PCBP3: variants seen among roughly 807,000 people sequenced by gnomAD.
The protein encoded by PCBP3 is poly(rC)-binding protein 3.
A neutral mutation model predicts 52.7 loss-of-function variants in PCBP3; 25 were observed. The observed-to-expected ratio is 0.47, with a 90% CI of 0.35 to 0.66. PCBP3 has a LOEUF of 0.66. Among genes scored for constraint, PCBP3 ranks in the 30% least tolerant of loss-of-function variants. PCBP3 has a pLI of 0.01. For synonymous variants in PCBP3, 162 were observed against 183.0 expected, an observed-to-expected ratio of 0.89 and a Z score of 0.93; for missense variants, 391 against 490.3, an observed-to-expected ratio of 0.80 and a Z score of 1.91.
chr21:45,662,284 T>G lies in PCBP3; in HGVS notation c.-278-6590T>G, dbSNP rs1420119962. Among the ~76,000 whole-genome samples the G allele has an allele frequency of 3.1e-4, 21 of 67,114 alleles. 1 individual carries two copies. Among genetic ancestry groups the G allele is most frequent in the Admixed American group, 2.9e-3 (17 of 5,908 alleles). The allele number at this position is 67,114 out of a possible 152,430, so 44.0% of individuals were successfully genotyped here. On this transcript the variant is annotated intron_variant, in intron 1 of 17. Coordinates refer to ENST00000681687, the MANE Select transcript of PCBP3 (RefSeq NM_001384156.1). ...CAATATACCTAAGTTTTTTTTTTTT[T>G]TTTTTTTTTTTTTTTTTGTAGAGAT... is the stretch of plus-strand genomic sequence containing the variant.
rs2086483258 is a variant in PCBP3 at position 45,741,947 on chromosome 21, C to T, written c.-162+6518C>T. Among the ~76,000 whole-genome samples the T allele has an allele frequency of 6.6e-6, 1 of 152,208 alleles. No homozygotes were observed. The highest frequency in any genetic ancestry group is 2.1e-4 in the South Asian group (1 of 4,826). Reference sequence around the variant, plus strand: ...GGGAAATTCCAGTCCAGACTGTCTGCCTCAGGCATTCAGTACACACTTTCG... The same window carrying T: ...GGGAAATTCCAGTCCAGACTGTCTGTCTCAGGCATTCAGTACACACTTTCG... On this transcript the variant is annotated intron_variant, in intron 3 of 17. Transcript: ENST00000681687. The surrounding 1 kb of genome is among the most constrained non-coding windows in gnomAD (Gnocchi z 4.5).
chr21:45,910,989 A>G lies in PCBP3; in HGVS notation c.559A>G (p.Ile187Val). Residue 187 changes from isoleucine (I) to valine (V), a missense_variant, in exon 11 of 18, where the codon ATC becomes GTC. Coordinates refer to ENST00000681687, the MANE Select transcript of PCBP3 (RefSeq NM_001384156.1). ...AVTISGTPDA[I>V]IQCVKQICVV... ...GACCATCTCGGGGACCCCAGATGCC[A>G]TCATCCAGTGCGTCAAGCAGATCTG... 1 of 1,611,994 alleles carries G rather than the reference A, an allele frequency of 6.2e-7. No homozygotes were observed. The highest frequency in any genetic ancestry group is 8.5e-7 in the Non-Finnish European group (1 of 1,179,912).
chr21:45,921,303 A>G (rs1186957075), intron 13 of PCBP3, among the ~76,000 whole-genome samples: 1 of 152,136 alleles, frequency 6.6e-6, no homozygotes, highest in East Asian at 1.9e-4. Context: ...TATTTATACC[A>G]CAGTGCCGGC....
intron 15 of PCBP3, among the ~76,000 whole-genome samples, chr21:45,935,021 C>A (rs894865869): frequency 4.6e-5 from 7 of 152,216 alleles, no homozygotes; most frequent in Admixed American, 1.3e-4. Context: ...AACAAAATGT[C>A]CTGCTTGGGT....
At chr21:45,816,442 C>G (rs1215186991) in intron 4 of PCBP3, among the ~76,000 whole-genome samples, 1 of 104,708 alleles carries the variant, frequency 9.6e-6, no homozygotes, top group Admixed American at 9.6e-5. Flanking sequence ...TCCCCTTCCC[C>G]CTCCCCGTCC....
intron 2 of PCBP3, among the ~76,000 whole-genome samples, chr21:45,673,121 T>A (rs2081271766): frequency 6.6e-6 from 1 of 152,232 alleles, no homozygotes; most frequent in African/African-American, 2.4e-5. Flanking sequence ...GTCACCCTCT[T>A]CAAGGAGCCC....
chr21:45,686,851 A>T (rs2147689921), intron 2 of PCBP3, among the ~76,000 whole-genome samples: 1 of 152,278 alleles, frequency 6.6e-6, no homozygotes, highest in South Asian at 2.1e-4. Flanking sequence ...AAACTAAAAC[A>T]CAAGGAGGAA....
chr21:45,935,282 C>T lies in PCBP3; in HGVS notation c.886C>T (p.His296Tyr). 6.2e-7 allele frequency: 1 copy of T among 1,613,260 alleles called. No individual in the cohort carries two copies. The highest frequency in any genetic ancestry group is 1.1e-5 in the South Asian group (1 of 91,052). The change falls in exon 16 of 18, where the codon CAT becomes TAT. Residue 296 changes from histidine (H) to tyrosine (Y), a missense_variant. Transcript: ENST00000681687. ...GGACGCCAGCCCACCGGCCAGCACT[C>T]ATGAGCTCACCATTCCCAATGATGT... ...GLDASPPAST[H>Y]ELTIPNDLIG...
intron 4 of PCBP3, among the ~76,000 whole-genome samples, chr21:45,776,734 A>G (rs1277646979): frequency 6.6e-6 from 1 of 151,598 alleles, no homozygotes; most frequent in Admixed American, 6.6e-5. Context: ...CATCCCTTTA[A>G]TTTCGGTTCA....
chr21:45,936,451 C>A (rs886439734), intron 16 of PCBP3, among the ~76,000 whole-genome samples: 1 of 152,222 alleles, frequency 6.6e-6, no homozygotes, highest in African/African-American at 2.4e-5. Context: ...TGTGGTCCAG[C>A]CTTCTGGCAT....
intron 2 of PCBP3, among the ~76,000 whole-genome samples, chr21:45,710,481 G>T (rs2148134943): frequency 2.0e-5 from 3 of 152,268 alleles, no homozygotes; most frequent in South Asian, 4.2e-4. Flanking sequence ...GAAAGGACAT[G>T]AACTCATCAT....
chr21:45,888,567 G>A (rs1189003041), intron 5 of PCBP3, among the ~76,000 whole-genome samples: 1 of 152,186 alleles, frequency 6.6e-6, no homozygotes, highest in Admixed American at 6.5e-5. Flanking sequence ...CCTGCTCCGG[G>A]GCAGGGCCCT....
rs1373172660 is a variant in PCBP3, at chr21:45,740,508, AAAG to A, written c.-162+5084_-162+5086del. Among the ~76,000 whole-genome samples the A allele has an allele frequency of 5.3e-5, 8 of 152,232 alleles. No individual in the cohort carries two copies. In the East Asian group the frequency reaches 1.2e-3, roughly 22 times the overall value. ...GGGCAAAAGTCACCAAGAAATTGAG[AAAG>A]AAGATGACAGAACTTTGAAAGTTGG... On this transcript the variant is annotated intron_variant, in intron 3 of 17. Coordinates refer to ENST00000681687, the MANE Select transcript of PCBP3 (RefSeq NM_001384156.1).
intron 2 of PCBP3, among the ~76,000 whole-genome samples, chr21:45,691,464 GTGTGTGTGTGT>G (rs1425840306): frequency 6.8e-6 from 1 of 146,156 alleles, no homozygotes; most frequent in Non-Finnish European, 1.5e-5. Context: ...GTATGTGTGT[GTGTGTGTGTGT>G]GTATATACAT....
At chr21:45,831,933 A>G (rs1377017267) in intron 4 of PCBP3, among the ~76,000 whole-genome samples, 1 of 152,120 alleles carries the variant, frequency 6.6e-6, no homozygotes, top group Non-Finnish European at 1.5e-5. Context: ...ATGGTCTCGA[A>G]TTCCTGACCT....
intron 9 of PCBP3, among the ~76,000 whole-genome samples, chr21:45,907,226 G>T (rs145981979): frequency 6.6e-6 from 1 of 152,228 alleles, no homozygotes; most frequent in South Asian, 2.1e-4. Context: ...GGTGAGGGGC[G>T]CCTAGCTCTC....
At position 45,784,400 on chromosome 21, in the gene PCBP3, A is replaced by G. The variant is rs543725981; in HGVS notation, c.-126+28948A>G. On this transcript the variant is annotated intron_variant, in intron 4 of 17. Coordinates refer to ENST00000681687, the MANE Select transcript of PCBP3 (RefSeq NM_001384156.1). ...TACCTCTACCTCTACCTCTACCGCT[A>G]CCTCTACCGCTACCGCTACCCCTAC... Among the ~76,000 whole-genome samples the G allele has an allele frequency of 3.2e-3, 446 of 139,918 alleles. 1 individual carries two copies. The highest frequency in any genetic ancestry group is 0.013 in the African/African-American group (428 of 32,940). The allele number at this position is 139,918 out of a possible 152,430, so 91.8% of individuals were successfully genotyped here.
intron 2 of PCBP3, among the ~76,000 whole-genome samples, chr21:45,709,994 G>A (rs1475309157): frequency 6.6e-6 from 1 of 152,126 alleles, no homozygotes; most frequent in Non-Finnish European, 1.5e-5. Context: ...GGGTTTTGGG[G>A]ATGAAGACAC....
chr21:45,850,018 A>G lies in PCBP3; in HGVS notation c.-68A>G. 7.1e-7 allele frequency: 1 copy of G among 1,412,650 alleles called. No individual in the cohort carries two copies. Among genetic ancestry groups the G allele is most frequent in the East Asian group, 2.5e-5 (1 of 40,242 alleles). The allele number at this position is 1,412,650 out of a possible 1,614,324, so 87.5% of individuals were successfully genotyped here. The stretch of plus-strand genomic sequence containing the variant: ...CTGTAAATCACCTGCTGTGGTTATG[A>G]TGCTCTGAGTTCAATACGTCTGAAC... On this transcript the variant is annotated 5_prime_UTR_variant, in exon 5 of 18. An upstream start codon of the reference 5' UTR is lost. Transcript: ENST00000681687.
Sources: allele counts gnomAD v4.1 joint callset (sites outside exome capture counted in the v4.1 genomes callset), GRCh38; gene constraint gnomAD v4.1.1; non-coding constraint Gnocchi (gnomAD v3.1); transcripts MANE v1.5; gene names NCBI Gene and HGNC (gene_info 2026-07-23, HGNC 2026-07-21).